Variants in BNC2 observed in about 807,000 individuals in gnomAD.
The protein encoded by BNC2 is basonuclin zinc finger protein 2.
BNC2 carries 20 observed loss-of-function variants against 76.3 expected under a neutral mutation model. That is an observed-to-expected ratio of 0.26 (90% CI 0.18 to 0.38). BNC2 has a LOEUF of 0.38. BNC2 is among the 10% of genes least tolerant of loss of function. The pLI is 1.00. For synonymous variants in BNC2, 582 were observed against 514.8 expected (o/e 1.13, Z -1.77); for missense variants, 1,382 against 1,399.8 (o/e 0.99, Z 0.20).
intron 4 of BNC2, among the ~76,000 whole-genome samples, chr9:16,559,195 T>A (rs559072918): frequency 1.3e-5 from 2 of 152,262 alleles, no homozygotes; most frequent in African/African-American, 4.8e-5. Context: ...CTAGAGCAAA[T>A]TTGTCCAAAC....
chr9:16,843,216 G>T lies in BNC2; in HGVS notation c.3+27430C>A, dbSNP rs144859992. On this transcript the variant is annotated intron_variant, in intron 1 of 6. Transcript: ENST00000380672. ...TAGCAGAATCAGTATTCAAATTCAG[G>T]TCTTTACAACTCCAAAGCCAATACT... Among the ~76,000 whole-genome samples the T allele has an allele frequency of 6.7e-3, 1,016 of 152,228 alleles. 13 individuals are homozygous for T. Among genetic ancestry groups the T allele is most frequent in the African/African-American group, 0.023 (972 of 41,540 alleles).
chr9:16,766,831 G>A (rs960126943), intron 1 of BNC2, among the ~76,000 whole-genome samples: 3 of 152,134 alleles, frequency 2.0e-5, no homozygotes, highest in African/African-American at 7.2e-5. Context: ...TAGTGTAGGG[G>A]CTTTAGAGTG....
intron 1 of BNC2, among the ~76,000 whole-genome samples, chr9:16,767,355 G>A (rs1460351112): frequency 6.6e-6 from 1 of 152,226 alleles, no homozygotes. Flanking sequence ...GGGGGTCAGT[G>A]CTCAGAGAGA....
intron 1 of BNC2, among the ~76,000 whole-genome samples, chr9:16,845,349 GCCTAGA>G (rs1294317464): frequency 6.6e-6 from 1 of 152,132 alleles, no homozygotes; most frequent in Non-Finnish European, 1.5e-5. Context: ...AAGTCACATG[GCCTAGA>G]CCATGGAGCT....
chr9:16,658,451 C>G (rs1224508349), intron 3 of BNC2, among the ~76,000 whole-genome samples: 1 of 152,106 alleles, frequency 6.6e-6, no homozygotes, highest in Non-Finnish European at 1.5e-5. Context: ...CACACATTAC[C>G]CTGGTCAAAT....
intron 5 of BNC2, among the ~76,000 whole-genome samples, chr9:16,468,964 G>A (rs1587064404): frequency 6.6e-6 from 1 of 152,106 alleles, no homozygotes; most frequent in East Asian, 1.9e-4. Flanking sequence ...TATATTCACA[G>A]AAAACTAATG....
intron 1 of BNC2, among the ~76,000 whole-genome samples, chr9:16,853,376 A>G (rs1819175064): frequency 6.6e-6 from 1 of 151,000 alleles, no homozygotes; most frequent in Non-Finnish European, 1.5e-5. Flanking sequence ...ACTGCACTCC[A>G]GCCTGAGTGA....
At chr9:16,451,678 T>G (rs1273258026) in intron 5 of BNC2, among the ~76,000 whole-genome samples, 2 of 152,166 alleles carry the variant, frequency 1.3e-5, no homozygotes, top group African/African-American at 2.4e-5. Context: ...CAACTGAAAT[T>G]AACCTCTCCA....
chr9:16,464,094 C>CAAAAAAAAA (rs1324549679), intron 5 of BNC2, among the ~76,000 whole-genome samples: 4 of 34,726 alleles, frequency 1.2e-4, no homozygotes, highest in Non-Finnish European at 1.6e-4. Context: ...ACCCTGTCTC[C>CAAAAAAAAA]AAAAAAAAAA....
chr9:16,822,945 C>G (rs1053211605), intron 1 of BNC2, among the ~76,000 whole-genome samples: 3 of 152,016 alleles, frequency 2.0e-5, no homozygotes, highest in Admixed American at 1.3e-4. Context: ...TTAGGAAGTG[C>G]CCCCTTCAAA....
chr9:16,722,308 G>C (rs956415235), intron 3 of BNC2, among the ~76,000 whole-genome samples: 1 of 152,208 alleles, frequency 6.6e-6, no homozygotes, highest in African/African-American at 2.4e-5. Flanking sequence ...TAATTAGTCA[G>C]GGAGGATTTG....
chr9:16,524,540 A>G (rs1466436308), intron 5 of BNC2, among the ~76,000 whole-genome samples: 11 of 152,102 alleles, frequency 7.2e-5, no homozygotes, highest in Non-Finnish European at 5.9e-5. Context: ...ATTCAGGATT[A>G]TACCTAAAAA....
chr9:16,683,102 A>G (rs1320017397), intron 3 of BNC2, among the ~76,000 whole-genome samples: 1 of 152,200 alleles, frequency 6.6e-6, no homozygotes, highest in Non-Finnish European at 1.5e-5. Flanking sequence ...CACAAACCAC[A>G]GCAGAAGTCC....
At chr9:16,495,653 G>A (rs751213733) in intron 5 of BNC2, among the ~76,000 whole-genome samples, 6 of 152,122 alleles carry the variant, frequency 3.9e-5, no homozygotes, top group African/African-American at 1.2e-4. Flanking sequence ...GGCTTTATCC[G>A]CTCAGAAAGA....
At chr9:16,845,912 G>A (rs929167730) in intron 1 of BNC2, among the ~76,000 whole-genome samples, 1 of 152,094 alleles carries the variant, frequency 6.6e-6, no homozygotes, top group African/African-American at 2.4e-5. Flanking sequence ...CACTTTGGGA[G>A]GCCGAGACGG....
intron 1 of BNC2, among the ~76,000 whole-genome samples, chr9:16,740,561 T>C (rs1219093380): frequency 3.3e-5 from 5 of 152,186 alleles, no homozygotes; most frequent in African/African-American, 7.2e-5. Flanking sequence ...AGTAAGCAAA[T>C]TGTGAAGACA....
chr9:16,581,706 GAAGA>G (rs1248020643), intron 4 of BNC2, among the ~76,000 whole-genome samples: 1 of 152,304 alleles, frequency 6.6e-6, no homozygotes, highest in East Asian at 1.9e-4. Context: ...ACTAATATAT[GAAGA>G]GAGACGAAAT....
At chr9:16,659,366 T>G (rs926983747) in intron 3 of BNC2, among the ~76,000 whole-genome samples, 5 of 152,000 alleles carry the variant, frequency 3.3e-5, no homozygotes, top group Non-Finnish European at 5.9e-5. Flanking sequence ...TCACAGCACT[T>G]TGGGGGGCCG....
intron 1 of BNC2, among the ~76,000 whole-genome samples, chr9:16,812,710 A>T (rs1169966965): frequency 6.6e-6 from 1 of 152,234 alleles, no homozygotes; most frequent in Non-Finnish European, 1.5e-5. Context: ...GTTGAAACAA[A>T]ATTTATTTTT....
Sources: allele counts gnomAD v4.1 joint callset (sites outside exome capture counted in the v4.1 genomes callset), GRCh38; gene constraint gnomAD v4.1.1; transcripts MANE v1.5; gene names NCBI Gene and HGNC (gene_info 2026-07-23, HGNC 2026-07-21).